DCC: variants seen among roughly 807,000 people sequenced by gnomAD.
DCC encodes DCC netrin 1 receptor.
Under a neutral mutation model 172.5 loss-of-function variants are expected in DCC, and 58 were observed. That is an observed-to-expected ratio of 0.34 (90% CI 0.27 to 0.42). DCC has a LOEUF of 0.42. DCC is among the 10% of genes least tolerant of loss of function. The pLI is 1.00. For synonymous variants in DCC, 709 were observed against 644.5 expected (o/e 1.10, Z -1.52); for missense variants, 1,740 against 1,791.0 (o/e 0.97, Z 0.51).
At chr18:53,164,766 A>G (rs1319740673) in intron 8 of DCC, among the ~76,000 whole-genome samples, 1 of 152,198 alleles carries the variant, frequency 6.6e-6, no homozygotes, top group African/African-American at 2.4e-5. Flanking sequence ...TGAAAATTAA[A>G]ATAACTGAAA....
intron 1 of DCC, among the ~76,000 whole-genome samples, chr18:52,384,516 T>A (rs1424213038): frequency 2.0e-5 from 3 of 152,106 alleles, no homozygotes; most frequent in African/African-American, 7.2e-5. Flanking sequence ...CCAAGGGTAG[T>A]TCAAGATCAC....
chr18:53,051,058 A>G (rs1312516109), intron 5 of DCC, among the ~76,000 whole-genome samples: 1 of 152,044 alleles, frequency 6.6e-6, no homozygotes, highest in Non-Finnish European at 1.5e-5. Flanking sequence ...AGTAGATGCC[A>G]TCTCTAAAAC....
intron 5 of DCC, among the ~76,000 whole-genome samples, chr18:52,992,511 T>A (rs1439889934): frequency 6.6e-6 from 1 of 152,118 alleles, no homozygotes; most frequent in Non-Finnish European, 1.5e-5. Context: ...TTAATTTCTT[T>A]ATCCAGTTCT....
intron 12 of DCC, among the ~76,000 whole-genome samples, chr18:53,269,475 A>C (rs1378162736): frequency 6.6e-6 from 1 of 152,144 alleles, no homozygotes; most frequent in Admixed American, 6.5e-5. Flanking sequence ...CCTAGATCTT[A>C]AGTGAAAAAG....
intron 1 of DCC, among the ~76,000 whole-genome samples, chr18:52,601,757 G>A (rs536978907): frequency 6.6e-6 from 1 of 151,976 alleles, no homozygotes; most frequent in South Asian, 2.1e-4. Flanking sequence ...CTTTTTGCAT[G>A]CCTATATTAG....
intron 21 of DCC, among the ~76,000 whole-genome samples, chr18:53,432,775 A>T (rs1911705051): frequency 2.0e-5 from 3 of 152,030 alleles, no homozygotes; most frequent in Non-Finnish European, 1.5e-5. Flanking sequence ...TATTGGCCAC[A>T]TAAAGGGAGA....
At chr18:52,422,119 T>C (rs1987269613) in intron 1 of DCC, among the ~76,000 whole-genome samples, 1 of 152,142 alleles carries the variant, frequency 6.6e-6, no homozygotes, top group African/African-American at 2.4e-5. Context: ...TTAATCTTAA[T>C]TTTTTTAAGC....
chr18:52,343,587 T>C (rs1983749681), intron 1 of DCC, among the ~76,000 whole-genome samples: 1 of 152,336 alleles, frequency 6.6e-6, no homozygotes, highest in South Asian at 2.1e-4. Context: ...TCTTCTTATA[T>C]ATTTGACATG....
At chr18:52,642,783 C>T (rs547591953) in intron 1 of DCC, among the ~76,000 whole-genome samples, 1 of 152,268 alleles carries the variant, frequency 6.6e-6, no homozygotes, top group Non-Finnish European at 1.5e-5. Flanking sequence ...CCCACCTCAG[C>T]CTCCCACCTA....
chr18:53,366,850 G>C (rs965164000), intron 15 of DCC, among the ~76,000 whole-genome samples: 1 of 152,164 alleles, frequency 6.6e-6, no homozygotes. Flanking sequence ...GCAGTAGAAC[G>C]TGTGAGCACT....
chr18:52,830,601 A>T (rs1488280898), intron 2 of DCC, among the ~76,000 whole-genome samples: 1 of 152,158 alleles, frequency 6.6e-6, no homozygotes, highest in Non-Finnish European at 1.5e-5. Context: ...TTACTAGACT[A>T]TCTGTAGCCT....
chr18:53,190,167 C>G (rs1568355693), intron 9 of DCC, among the ~76,000 whole-genome samples: 1 of 152,040 alleles, frequency 6.6e-6, no homozygotes, highest in Non-Finnish European at 1.5e-5. Context: ...CTCAGGTGAT[C>G]CACCCACCTC....
intron 12 of DCC, among the ~76,000 whole-genome samples, chr18:53,255,137 G>A (rs919128706): frequency 4.0e-5 from 6 of 151,772 alleles, no homozygotes; most frequent in Non-Finnish European, 7.4e-5. Flanking sequence ...TAGCTTCCTG[G>A]GTATTCCTAT....
intron 22 of DCC, among the ~76,000 whole-genome samples, chr18:53,440,537 T>C (rs955816600): frequency 6.6e-6 from 1 of 151,954 alleles, no homozygotes; most frequent in Non-Finnish European, 1.5e-5. Context: ...TTTTAACCAA[T>C]GTAAATAAAG....
intron 5 of DCC, among the ~76,000 whole-genome samples, chr18:52,929,471 C>T (rs1037652803): frequency 4.6e-5 from 7 of 151,980 alleles, no homozygotes; most frequent in Non-Finnish European, 8.8e-5. Flanking sequence ...AAATACGTGA[C>T]CGTAATGTAA....
intron 14 of DCC, among the ~76,000 whole-genome samples, chr18:53,329,244 A>G (rs780833262): frequency 5.9e-5 from 9 of 152,150 alleles, no homozygotes; most frequent in Non-Finnish European, 1.2e-4. Context: ...AACAAGCTTA[A>G]AAACTTCCTA....
intron 1 of DCC, among the ~76,000 whole-genome samples, chr18:52,644,337 G>A (rs1252112058): frequency 6.6e-6 from 1 of 152,172 alleles, no homozygotes; most frequent in East Asian, 1.9e-4. Flanking sequence ...CCAGCATTCT[G>A]GGAGGCCAAG....
chr18:52,871,566 C>T (rs2039318540), intron 2 of DCC, among the ~76,000 whole-genome samples: 2 of 152,172 alleles, frequency 1.3e-5, no homozygotes, highest in South Asian at 4.1e-4. Context: ...TAGGCTCAAG[C>T]CATCCTCCTA....
chr18:53,349,487 A>G (rs961250130), intron 15 of DCC, among the ~76,000 whole-genome samples: 3 of 152,188 alleles, frequency 2.0e-5, no homozygotes, highest in African/African-American at 7.2e-5. Context: ...ATTTTCAGGT[A>G]TCTTTTCAGC....
Sources: gnomAD v4.1 joint callset for allele counts (sites outside exome capture counted in the v4.1 genomes callset) on GRCh38, gnomAD v4.1.1 for gene constraint, MANE v1.5 for transcripts, NCBI Gene and HGNC (gene_info 2026-07-23, HGNC 2026-07-21) for gene names.